The following ZMYM4 variants were observed in gnomAD, a reference collection of about 807,000 sequenced individuals.
The protein encoded by ZMYM4 is zinc finger MYM-type protein 4.
In ZMYM4, 31 loss-of-function variants were observed where a neutral mutation model predicts 183.2. That is an observed-to-expected ratio of 0.17 (90% CI 0.13 to 0.23). The LOEUF (loss-of-function observed/expected upper bound fraction) is 0.23, where lower values mean the gene tolerates loss of function less well. Ranked by LOEUF, ZMYM4 falls within the 10% of genes least tolerant of loss-of-function variation. ZMYM4 has a pLI of 1.00. For missense variants in ZMYM4, 1,273 were observed against 1,840.3 expected, an observed-to-expected ratio of 0.69 and a Z score of 5.64; for synonymous variants, 592 against 631.2, an observed-to-expected ratio of 0.94 and a Z score of 0.93.
At position 35,395,198 on chromosome 1, in the gene ZMYM4, CT is replaced by C. The variant is rs200080316; in HGVS notation, c.2912-1339del. Among the ~76,000 whole-genome samples the C allele has an allele frequency of 7.4e-3, 975 of 132,564 alleles. 5 individuals are homozygous for C. Among genetic ancestry groups the C allele is most frequent in the Middle Eastern group, 0.036 (9 of 250 alleles). 87.0% of individuals were successfully genotyped at this position (132,564 alleles called of 152,430 possible). A position where few individuals can be genotyped will look rare whatever the true frequency, so the allele number is the denominator to read the frequency against. On this transcript the variant is annotated intron_variant, in intron 18 of 29. Coordinates refer to ENST00000314607, the MANE Select transcript of ZMYM4 (RefSeq NM_005095.3). ...TAGCAAGGCTCTAAATGATTTAGTTCTTTTTTTTTTTTTTTAATCAATAGCA... is the reference window on the plus strand; with the variant it reads ...TAGCAAGGCTCTAAATGATTTAGTTCTTTTTTTTTTTTTTAATCAATAGCA...
intron 11 of ZMYM4, 37 bp from the exon 12 acceptor site, chr1:35,386,966 G>T (rs542389847): frequency 1.3e-6 from 2 of 1,590,812 alleles, no homozygotes; most frequent in South Asian, 2.3e-5. Flanking sequence ...TTTTAACAAA[G>T]ATTAAATTGA....
At position 35,397,183 on chromosome 1, in the gene ZMYM4, C is replaced by T. The variant is rs1370624215; in HGVS notation, c.3031-194C>T. 4.7e-6 allele frequency: 5 copies of T among 1,072,700 alleles called. No homozygotes were observed. In the South Asian group the frequency reaches 1.7e-4, roughly 37 times the overall value. 66.4% of individuals were successfully genotyped at this position (1,072,700 alleles called of 1,614,324 possible). A position where few individuals can be genotyped will look rare whatever the true frequency, so the allele number is the denominator to read the frequency against. On this transcript the variant is annotated intron_variant, in intron 19 of 29. Transcript: ENST00000314607. ...TCAGAGACATAATTGGTTGAGTGTC[C>T]AAAGCACTTATTGAAATTTTATTTA...
At chr1:35,298,907 G>A (rs1167322030) in intron 1 of ZMYM4, among the ~76,000 whole-genome samples, 1 of 151,882 alleles carries the variant, frequency 6.6e-6, no homozygotes, top group Non-Finnish European at 1.5e-5. Context: ...GTAGATGCTT[G>A]TTTTCATATG....
chr1:35,420,399 A>G lies in ZMYM4; in HGVS notation c.*722A>G, dbSNP rs1640286031. ...AAAGGGGATGATATTCCACAAACTA[A>G]TTATGCACACAGAAAATCTGTGGAG... On this transcript the variant is annotated 3_prime_UTR_variant, in exon 30 of 30. Coordinates refer to ENST00000314607, the MANE Select transcript of ZMYM4 (RefSeq NM_005095.3). 1 of 152,466 alleles carries G rather than the reference A, an allele frequency of 6.6e-6. No homozygotes were observed. Among genetic ancestry groups the G allele is most frequent in the African/African-American group, 2.4e-5 (1 of 41,446 alleles). The allele number at this position is 152,466 out of a possible 1,614,324, so 9.4% of individuals were successfully genotyped here.
intron 1 of ZMYM4, among the ~76,000 whole-genome samples, chr1:35,317,744 C>T (rs977640727): frequency 6.6e-6 from 1 of 152,064 alleles, no homozygotes; most frequent in Non-Finnish European, 1.5e-5. Flanking sequence ...TTGTGATCAT[C>T]AGCTATTTAA....
chr1:35,387,435 A>C lies in ZMYM4; in HGVS notation c.2113-19A>C. On this transcript the variant is annotated intron_variant, in intron 12 of 29. Transcript: ENST00000314607. ...CAAACCAAATGTTTAATTAGTACTTAATGATTATTTCTTTGCAGGGCAAAA... is the reference window on the plus strand; with the variant it reads ...CAAACCAAATGTTTAATTAGTACTTCATGATTATTTCTTTGCAGGGCAAAA... The C allele has an allele frequency of 6.3e-7, 1 of 1,593,850 alleles. No homozygotes were observed. The highest frequency in any genetic ancestry group is 1.4e-5 in the African/African-American group (1 of 74,010).
intron 1 of ZMYM4, among the ~76,000 whole-genome samples, chr1:35,318,877 T>C (rs1007570019): frequency 4.6e-5 from 7 of 152,220 alleles, no homozygotes; most frequent in African/African-American, 1.7e-4. Flanking sequence ...ACATTTAAAC[T>C]GACACAGTGT....
intron 7 of ZMYM4, among the ~76,000 whole-genome samples, chr1:35,379,936 A>G (rs1388969446): frequency 6.6e-6 from 1 of 152,270 alleles, no homozygotes; most frequent in African/African-American, 2.4e-5. Flanking sequence ...CAATAGTAAC[A>G]TCAGTGTTCA....
At chr1:35,403,231 T>C (rs890192440) in intron 23 of ZMYM4, among the ~76,000 whole-genome samples, 6 of 152,168 alleles carry the variant, frequency 3.9e-5, no homozygotes, top group African/African-American at 1.4e-4. Context: ...TTTTTCTGTA[T>C]TTATTATTTT....
chr1:35,415,345 G>T, intron 27 of ZMYM4, 121 bp from the exon 28 acceptor site: 1 of 1,341,580 alleles, frequency 7.5e-7, no homozygotes, highest in Non-Finnish European at 1.0e-6. Flanking sequence ...GCATAAGGAA[G>T]AGGGGAAAGA....
rs531571226 is a variant in ZMYM4, at chr1:35,338,747, G to A, written c.85+13342G>A. Among the ~76,000 whole-genome samples, 10 of 152,116 alleles carry A rather than the reference G, an allele frequency of 6.6e-5. No homozygotes were observed. In the South Asian group the frequency reaches 8.3e-4, roughly 13 times the overall value. ...GTTGAACATTTTTCACATTTATTGG[G>A]TATTTTTAATTTTTTTTGTGAAATG... On this transcript the variant is annotated intron_variant, in intron 2 of 29. Transcript: ENST00000314607.
chr1:35,387,662 T>C, intron 13 of ZMYM4, 58 bp downstream of exon 13: 1 of 1,530,284 alleles, frequency 6.5e-7, no homozygotes, highest in Non-Finnish European at 8.8e-7. Context: ...AAGCAGTTGA[T>C]GATGATTTAA....
chr1:35,283,575 G>A lies in ZMYM4; in HGVS notation c.39+14490G>A, dbSNP rs1640307069. The stretch of plus-strand genomic sequence containing the variant: ...GATAGTCTTGATCTCCTGACCTCGT[G>A]AGCCACCCGCCTCGGCCTCCCAAAG... On this transcript the variant is annotated intron_variant, in intron 1 of 29. Transcript: ENST00000314607. Among the ~76,000 whole-genome samples, 3 of 151,774 alleles carry A rather than the reference G, an allele frequency of 2.0e-5. No homozygotes were observed. The South Asian group carries it at 6.2e-4, about 32-fold the overall frequency.
At chr1:35,416,118 T>C (rs1160395453) in intron 28 of ZMYM4, among the ~76,000 whole-genome samples, 1 of 152,210 alleles carries the variant, frequency 6.6e-6, no homozygotes, top group Non-Finnish European at 1.5e-5. Context: ...AGCCCCTCTT[T>C]TTAGTTAACA....
rs148439863 is a variant in ZMYM4, at chr1:35,336,473, A to G, written c.85+11068A>G. Among the ~76,000 whole-genome samples the G allele has an allele frequency of 8.8e-5, 13 of 147,630 alleles. 2 individuals are homozygous for G. The highest frequency in any genetic ancestry group is 2.7e-4 in the African/African-American group (11 of 40,024). ...GGGATCTTGGCTCACTGCAACCTCC[A>G]CCTCCCAGGTTCAAGCGATTCTCCT... is the stretch of plus-strand genomic sequence containing the variant. On this transcript the variant is annotated intron_variant, in intron 2 of 29. Transcript: ENST00000314607.
chr1:35,362,055 A>G (rs1369088914), intron 5 of ZMYM4, among the ~76,000 whole-genome samples: 1 of 152,234 alleles, frequency 6.6e-6, no homozygotes, highest in Non-Finnish European at 1.5e-5. Context: ...GGCTTTGAGA[A>G]CTATACAGCA....
rs569984331 is a variant in ZMYM4 at position 35,361,312 on chromosome 1, T to C, written c.669+57T>C. 3.4e-6 allele frequency: 5 copies of C among 1,482,854 alleles called. No homozygotes were observed. In the South Asian group the frequency reaches 6.4e-5, roughly 19 times the overall value. 91.9% of individuals were successfully genotyped at this position (1,482,854 alleles called of 1,614,324 possible). ...AACTGTGACAAGTGTCAAAGTTTTC[T>C]TTATGTCAGTTTCTAAATTCTAACA... is the stretch of plus-strand genomic sequence containing the variant. On this transcript the variant is annotated intron_variant, in intron 4 of 29. Coordinates refer to ENST00000314607, the MANE Select transcript of ZMYM4 (RefSeq NM_005095.3).
At chr1:35,286,918 G>A (rs746807752) in intron 1 of ZMYM4, among the ~76,000 whole-genome samples, 2 of 148,236 alleles carry the variant, frequency 1.3e-5, no homozygotes, top group Non-Finnish European at 3.0e-5. Flanking sequence ...CACCCTGCCT[G>A]GCCCTAGCTT....
At chr1:35,353,832 A>T (rs893150668) in intron 2 of ZMYM4, among the ~76,000 whole-genome samples, 1 of 152,206 alleles carries the variant, frequency 6.6e-6, no homozygotes, top group Admixed American at 6.5e-5. Context: ...TTGCTAATTC[A>T]CATCAGTTGC....
Sources: gnomAD v4.1 joint callset for allele counts (sites outside exome capture counted in the v4.1 genomes callset) on GRCh38, gnomAD v4.1.1 for gene constraint, MANE v1.5 for transcripts, NCBI Gene and HGNC (gene_info 2026-07-23, HGNC 2026-07-21) for gene names.